Variants in RPAP3 observed in about 807,000 individuals in gnomAD.
The protein encoded by RPAP3 is RNA polymerase II-associated protein 3.
A neutral mutation model predicts 88.8 loss-of-function variants in RPAP3; 58 were observed. The ratio of observed to expected loss-of-function variants is 0.65; its 90% CI spans 0.53 to 0.81. RPAP3 has a LOEUF of 0.81. Among genes scored for constraint, RPAP3 ranks in the 40% least tolerant of loss-of-function variants. The pLI, the probability that RPAP3 is intolerant of heterozygous loss-of-function variation, is 0.00. For synonymous variants in RPAP3, 255 were observed against 259.9 expected (o/e 0.98, Z 0.18); for missense variants, 751 against 764.3 (o/e 0.98, Z 0.20).
intron 9 of RPAP3, among the ~76,000 whole-genome samples, chr12:47,685,515 G>C (rs545414476): frequency 6.6e-6 from 1 of 152,232 alleles, no homozygotes; most frequent in South Asian, 2.1e-4. Flanking sequence ...TGATTGCAGT[G>C]TCTGGTTTAT....
At chr12:47,674,383 T>C (rs1939065875) in intron 12 of RPAP3, among the ~76,000 whole-genome samples, 1 of 152,204 alleles carries the variant, frequency 6.6e-6, no homozygotes. Flanking sequence ...GGAACTAAGC[T>C]GGACGGAGAA....
chr12:47,666,546 T>C (rs1938876894), intron 16 of RPAP3, among the ~76,000 whole-genome samples: 1 of 152,198 alleles, frequency 6.6e-6, no homozygotes, highest in South Asian at 2.1e-4. Flanking sequence ...CCCAGTTACA[T>C]GGTCCTGTGG....
At chr12:47,663,906 C>T (rs1477394966) in intron 16 of RPAP3, among the ~76,000 whole-genome samples, 1 of 152,138 alleles carries the variant, frequency 6.6e-6, no homozygotes, top group Non-Finnish European at 1.5e-5. Flanking sequence ...ATCTGTGTAA[C>T]AAGTGTATTT....
intron 16 of RPAP3, chr12:47,664,971 G>T (rs558925400): frequency 6.6e-6 from 1 of 152,246 alleles, no homozygotes; most frequent in East Asian, 1.9e-4. Flanking sequence ...AGACATCTTT[G>T]AAGTGGTGAT....
chr12:47,701,687 C>A (rs374580965), intron 2 of RPAP3, 83 bp from the exon 3 acceptor site: 1 of 1,098,560 alleles, frequency 9.1e-7, no homozygotes. Context: ...AAAATTCTCA[C>A]TATATTTTCT....
chr12:47,701,368 T>C, intron 3 of RPAP3, 96 bp downstream of exon 3: 3 of 832,534 alleles, frequency 3.6e-6, no homozygotes, highest in Admixed American at 2.9e-5. Context: ...ACACAGGCCA[T>C]AACTCTACAT....
In RPAP3 at chr12:47,668,913, T is replaced by TA; in HGVS notation, c.1713+2dup. ...ACAGAAGTACTACCTTCCTCTCTCTTACCTTTAAATACTGATACAACATAT... is the reference window on the plus strand; with the variant it reads ...ACAGAAGTACTACCTTCCTCTCTCTTAACCTTTAAATACTGATACAACATAT... On this transcript the variant is annotated splice_region_variant and intron_variant, in intron 14 of 16. Coordinates refer to ENST00000005386, the MANE Select transcript of RPAP3 (RefSeq NM_024604.3). 1 of 1,607,740 alleles carries TA rather than the reference T, an allele frequency of 6.2e-7. No individual in the cohort carries two copies. The highest frequency in any genetic ancestry group is 8.5e-7 in the Non-Finnish European group (1 of 1,174,246).
chr12:47,681,136 C>CAT (rs1357512886), intron 10 of RPAP3, among the ~76,000 whole-genome samples: 1 of 152,122 alleles, frequency 6.6e-6, no homozygotes, highest in African/African-American at 2.4e-5. Context: ...GAGATAGCTA[C>CAT]ATATGCCCAA....
intron 7 of RPAP3, among the ~76,000 whole-genome samples, chr12:47,688,265 G>T (rs910325652): frequency 6.6e-6 from 1 of 151,696 alleles, no homozygotes; most frequent in Non-Finnish European, 1.5e-5. Context: ...TTATAAGTGG[G>T]AGGTAAACAT....
intron 1 of RPAP3, among the ~76,000 whole-genome samples, chr12:47,703,856 T>C (rs1350860571): frequency 3.3e-5 from 5 of 152,170 alleles, no homozygotes; most frequent in Non-Finnish European, 5.9e-5. Flanking sequence ...TAGACTGAGG[T>C]GTTGGAGAAC....
chr12:47,673,337 G>A (rs1357756218), intron 12 of RPAP3, among the ~76,000 whole-genome samples: 1 of 151,570 alleles, frequency 6.6e-6, no homozygotes, highest in African/African-American at 2.4e-5. Context: ...CAGCTACCAG[G>A]GAGGCTGAGG....
Position 47,670,184 on chromosome 12 carries a change from A to C in RPAP3, c.1449T>G (p.Asp483Glu). 1.2e-6 allele frequency: 2 copies of C among 1,614,012 alleles called. No homozygotes were observed. The highest frequency in any genetic ancestry group is 1.7e-6 in the Non-Finnish European group (2 of 1,179,930). ...GTTSKKNSSQ[D>E]DLFPTSDTPR... ...GAGTATCACTTGTGGGAAAAAGGTC[A>C]TCTTGGCTTGAATTCTTCTTACTTG... The change falls in exon 13 of 17, where the codon GAT becomes GAG. Residue 483 changes from aspartate to glutamate, a missense_variant. Transcript: ENST00000005386.
intron 9 of RPAP3, among the ~76,000 whole-genome samples, chr12:47,685,631 T>C (rs1939307868): frequency 6.6e-6 from 1 of 152,254 alleles, no homozygotes; most frequent in South Asian, 2.1e-4. Flanking sequence ...AATCTAATCA[T>C]CTACGTTGCT....
At chr12:47,667,964 G>A in intron 14 of RPAP3, 113 bp from the exon 15 acceptor site, 1 of 631,008 alleles carries the variant, frequency 1.6e-6, no homozygotes, top group Non-Finnish European at 2.7e-6. Context: ...GGAGGCCAAG[G>A]TGGGAGGATC....
At chr12:47,667,728 G>T in intron 15 of RPAP3, 26 bp downstream of exon 15, 2 of 1,344,218 alleles carry the variant, frequency 1.5e-6, no homozygotes, top group Non-Finnish European at 2.1e-6. Flanking sequence ...AGGACTTACT[G>T]TATAACTAAA....
chr12:47,680,035 T>C (rs1939193446), intron 10 of RPAP3, among the ~76,000 whole-genome samples: 1 of 152,166 alleles, frequency 6.6e-6, no homozygotes, highest in African/African-American at 2.4e-5. Flanking sequence ...TCATCTAACT[T>C]AGCAAAGTTC....
intron 12 of RPAP3, among the ~76,000 whole-genome samples, chr12:47,678,267 T>C (rs1309581690): frequency 6.6e-6 from 1 of 152,168 alleles, no homozygotes; most frequent in Non-Finnish European, 1.5e-5. Flanking sequence ...ATTAAAGACT[T>C]AAATGTTAGA....
chr12:47,665,610 T>C lies in RPAP3; in HGVS notation c.1912+1370A>G, dbSNP rs867249987. Among the ~76,000 whole-genome samples, 14 of 149,918 alleles carry C rather than the reference T, an allele frequency of 9.3e-5. 1 individual carries two copies. Among genetic ancestry groups the C allele is most frequent in the African/African-American group, 3.4e-4 (14 of 41,254 alleles). ...TAAACCCTCGCTATTAAAATATACA[T>C]ATATATATTTTAATATATATTTTTT... On this transcript the variant is annotated intron_variant, in intron 16 of 16. Coordinates refer to ENST00000005386, the MANE Select transcript of RPAP3 (RefSeq NM_024604.3).
At chr12:47,665,648 A>G (rs1938858656) in intron 16 of RPAP3, among the ~76,000 whole-genome samples, 1 of 151,086 alleles carries the variant, frequency 6.6e-6, no homozygotes, top group African/African-American at 2.4e-5. Flanking sequence ...TTTTTATTTA[A>G]CTATTTATTT....
Sources: gnomAD v4.1 joint callset for allele counts (sites outside exome capture counted in the v4.1 genomes callset) on GRCh38, gnomAD v4.1.1 for gene constraint, MANE v1.5 for transcripts, NCBI Gene and HGNC (gene_info 2026-07-23, HGNC 2026-07-21) for gene names.